DYM: variants seen among roughly 807,000 people sequenced by gnomAD.
DYM encodes dymeclin, also known as dyggve-Melchior-Clausen syndrome protein.
DYM carries 78 observed loss-of-function variants against 93.1 expected under a neutral mutation model. The observed-to-expected ratio is 0.84, with a 90% CI of 0.70 to 1.01. The LOEUF (loss-of-function observed/expected upper bound fraction) is 1.01, where lower values mean the gene tolerates loss of function less well. Ranked by LOEUF, DYM falls within the 50% of genes least tolerant of loss-of-function variation. DYM has a pLI of 0.00. For synonymous variants in DYM, 321 were observed against 319.7 expected, an observed-to-expected ratio of 1.00 and a Z score of -0.04; for missense variants, 789 against 845.0, an observed-to-expected ratio of 0.93 and a Z score of 0.82.
chr18:49,081,787 C>T (rs543264502), intron 17 of DYM, among the ~76,000 whole-genome samples: 3 of 152,282 alleles, frequency 2.0e-5, no homozygotes, highest in African/African-American at 7.2e-5. Context: ...CTTCTCTTTT[C>T]TGGTTTTCAG....
intron 8 of DYM, among the ~76,000 whole-genome samples, chr18:49,304,541 G>A (rs1408462011): frequency 6.6e-6 from 1 of 152,178 alleles, no homozygotes; most frequent in African/African-American, 2.4e-5. Flanking sequence ...AAACCTGGGT[G>A]TCCCCTGAGG....
chr18:49,376,474 T>C (rs1023139728), intron 5 of DYM, among the ~76,000 whole-genome samples: 11 of 152,330 alleles, frequency 7.2e-5, no homozygotes, highest in African/African-American at 2.6e-4. Context: ...CTCATCTATC[T>C]GCCTATTTGG....
At chr18:49,277,864 G>A (rs1224430187) in intron 10 of DYM, among the ~76,000 whole-genome samples, 1 of 152,210 alleles carries the variant, frequency 6.6e-6, no homozygotes, top group Non-Finnish European at 1.5e-5. Flanking sequence ...CTAAGACATA[G>A]GTATTTGGCG....
intron 13 of DYM, among the ~76,000 whole-genome samples, chr18:49,235,936 TTAAAC>T (rs2093846859): frequency 2.0e-5 from 3 of 152,216 alleles, no homozygotes; most frequent in East Asian, 1.9e-4. Context: ...CAAAACTTGT[TTAAAC>T]TAATTCAATT....
At chr18:49,313,760 G>T (rs1371757804) in intron 8 of DYM, among the ~76,000 whole-genome samples, 1 of 152,056 alleles carries the variant, frequency 6.6e-6, no homozygotes, top group Non-Finnish European at 1.5e-5. Flanking sequence ...CCTCTCTTGG[G>T]ATCTGGATCG....
intron 14 of DYM, among the ~76,000 whole-genome samples, chr18:49,171,316 G>A (rs192886154): frequency 6.6e-6 from 1 of 152,076 alleles, no homozygotes; most frequent in African/African-American, 2.4e-5. Context: ...TTTCCTATGA[G>A]AGCCCTGCCA....
intron 13 of DYM, among the ~76,000 whole-genome samples, chr18:49,246,495 A>G (rs2094169936): frequency 6.6e-6 from 1 of 152,226 alleles, no homozygotes; most frequent in African/African-American, 2.4e-5. Context: ...ACAGAGAGAA[A>G]GCGTGCCTCT....
At chr18:49,347,826 G>A (rs995987896) in intron 6 of DYM, among the ~76,000 whole-genome samples, 1 of 152,192 alleles carries the variant, frequency 6.6e-6, no homozygotes, top group African/African-American at 2.4e-5. Context: ...GTGGTTTTTA[G>A]AAGATGAAAA....
chr18:49,431,421 AAAT>A (rs1474760271), intron 1 of DYM, among the ~76,000 whole-genome samples: 2 of 152,196 alleles, frequency 1.3e-5, no homozygotes, highest in Non-Finnish European at 2.9e-5. Flanking sequence ...GGGAGTGAAT[AAAT>A]AATTAGTATC....
chr18:49,455,991 G>T (rs2082950189), intron 1 of DYM, among the ~76,000 whole-genome samples: 1 of 151,088 alleles, frequency 6.6e-6, no homozygotes, highest in Admixed American at 6.6e-5. Context: ...CCAATCTCCA[G>T]TCCTCTCTTC....
At chr18:49,311,394 T>G (rs1311241635) in intron 8 of DYM, among the ~76,000 whole-genome samples, 1 of 152,168 alleles carries the variant, frequency 6.6e-6, no homozygotes. Context: ...GAAAAAACTG[T>G]AACAAAAGGT....
At chr18:49,097,681 T>C (rs915763834) in intron 16 of DYM, among the ~76,000 whole-genome samples, 166 bp from the exon 17 acceptor site, 10 of 152,220 alleles carry the variant, frequency 6.6e-5, no homozygotes, top group Non-Finnish European at 1.5e-4. Context: ...TTGGGTTTGA[T>C]AGCCGAATCA....
Position 49,282,176 on chromosome 18 carries a change from C to T in DYM, c.947-1G>A. 1 of 1,613,458 alleles carries T rather than the reference C, an allele frequency of 6.2e-7. No homozygotes were observed. The highest frequency in any genetic ancestry group is 8.5e-7 in the Non-Finnish European group (1 of 1,179,532). On this transcript the variant is annotated splice_acceptor_variant, in intron 9 of 17. Transcript: ENST00000675505. LOFTEE classifies it high-confidence loss of function. ...ATTGATGAGGGGAAAGGACTGCTAT[C>T]TGGAATACAGAAAACAGCACATCAG...
At chr18:49,409,213 G>A (rs1465758589) in intron 2 of DYM, among the ~76,000 whole-genome samples, 2 of 151,386 alleles carry the variant, frequency 1.3e-5, no homozygotes, top group East Asian at 1.9e-4. Context: ...GAACCTGGGA[G>A]GTGGAGGTTG....
intron 3 of DYM, among the ~76,000 whole-genome samples, chr18:49,389,863 T>C (rs577692922): frequency 6.6e-6 from 1 of 152,188 alleles, no homozygotes; most frequent in Admixed American, 6.5e-5. Flanking sequence ...TTTTCTTTGT[T>C]TTCTCATTGC....
chr18:49,059,858 T>A (rs2075811569), intron 17 of DYM, among the ~76,000 whole-genome samples: 1 of 152,196 alleles, frequency 6.6e-6, no homozygotes, highest in Non-Finnish European at 1.5e-5. Context: ...CCAACTTCCC[T>A]CCTCTGAATT....
At chr18:49,097,810 T>A (rs990268360) in intron 16 of DYM, among the ~76,000 whole-genome samples, 1 of 151,630 alleles carries the variant, frequency 6.6e-6, no homozygotes, top group African/African-American at 2.4e-5. Flanking sequence ...TAGAGCAGTA[T>A]CCAACAGAAA....
chr18:49,263,365 C>T (rs2094519597), intron 11 of DYM, among the ~76,000 whole-genome samples: 1 of 151,504 alleles, frequency 6.6e-6, no homozygotes, highest in Non-Finnish European at 1.5e-5. Flanking sequence ...GTGATCTGCC[C>T]ACCTCAGCCT....
At chr18:49,110,218 G>T (rs1309015478) in intron 16 of DYM, among the ~76,000 whole-genome samples, 2 of 152,192 alleles carry the variant, frequency 1.3e-5, no homozygotes, top group African/African-American at 4.8e-5. Flanking sequence ...TACAGAAAAA[G>T]TTTGAGGACC....
Sources: allele counts gnomAD v4.1 joint callset (sites outside exome capture counted in the v4.1 genomes callset), GRCh38; gene constraint gnomAD v4.1.1; transcripts MANE v1.5; gene names NCBI Gene and HGNC (gene_info 2026-07-23, HGNC 2026-07-21).